DAAM1: variants seen among roughly 807,000 people sequenced by gnomAD.
DAAM1 encodes dishevelled associated activator of morphogenesis 1.
In DAAM1, 52 loss-of-function variants were observed where a neutral mutation model predicts 130.0. That is an observed-to-expected ratio of 0.40 (90% confidence interval 0.32 to 0.50). The LOEUF is 0.50. Among genes scored for constraint, DAAM1 ranks in the 20% least tolerant of loss-of-function variants. The pLI is 0.61. For missense variants in DAAM1, 1,134 were observed against 1,303.8 expected, an observed-to-expected ratio of 0.87 and a Z score of 2.01; for synonymous variants, 452 against 444.5, an observed-to-expected ratio of 1.02 and a Z score of -0.21.
chr14:59,280,227 G>T (rs1193031043), intron 2 of DAAM1, among the ~76,000 whole-genome samples: 1 of 152,132 alleles, frequency 6.6e-6, no homozygotes, highest in African/African-American at 2.4e-5. Context: ...CTTAACATGT[G>T]TACATTTCAC....
chr14:59,350,488 G>C (rs1437340946), intron 17 of DAAM1, among the ~76,000 whole-genome samples: 1 of 150,546 alleles, frequency 6.6e-6, no homozygotes, highest in Non-Finnish European at 1.5e-5. Context: ...CACGTCTTAT[G>C]CACATGCCCC....
At chr14:59,358,571 G>A (rs1236027180) in intron 20 of DAAM1, among the ~76,000 whole-genome samples, 7 of 152,054 alleles carry the variant, frequency 4.6e-5, no homozygotes, top group Admixed American at 2.6e-4. Context: ...GGCCAGACAC[G>A]GTGGCTCACA....
chr14:59,367,215 G>A (rs1254135331), intron 23 of DAAM1, among the ~76,000 whole-genome samples: 1 of 152,024 alleles, frequency 6.6e-6, no homozygotes, highest in Non-Finnish European at 1.5e-5. Context: ...TTGAACCCGA[G>A]AGACAGAGGT....
At chr14:59,201,143 A>G (rs1355658569) in intron 1 of DAAM1, among the ~76,000 whole-genome samples, 1 of 139,794 alleles carries the variant, frequency 7.2e-6, no homozygotes, top group Admixed American at 7.5e-5. Flanking sequence ...CCTGGGCGAC[A>G]GAGTGAGACT....
At chr14:59,225,641 G>C (rs1363716195) in intron 1 of DAAM1, among the ~76,000 whole-genome samples, 1 of 152,158 alleles carries the variant, frequency 6.6e-6, no homozygotes, top group African/African-American at 2.4e-5. Context: ...TTCTGGATTT[G>C]TCAGGGTGGT....
At chr14:59,200,446 G>C (rs1353238352) in intron 1 of DAAM1, among the ~76,000 whole-genome samples, 8 of 152,090 alleles carry the variant, frequency 5.3e-5, no homozygotes, top group Non-Finnish European at 1.5e-5. Flanking sequence ...GCACAGTGAT[G>C]TTCCATTTTT....
intron 1 of DAAM1, among the ~76,000 whole-genome samples, chr14:59,207,594 A>G (rs537207127): frequency 2.4e-4 from 37 of 152,362 alleles, no homozygotes; most frequent in Non-Finnish European, 4.9e-4. Flanking sequence ...AAGCGCCTCA[A>G]AAATTCTACT....
At chr14:59,191,427 T>C (rs1887726878) in intron 1 of DAAM1, among the ~76,000 whole-genome samples, 1 of 152,082 alleles carries the variant, frequency 6.6e-6, no homozygotes, top group African/African-American at 2.4e-5. Flanking sequence ...TTGTAGGTCT[T>C]TAATAAATAT....
intron 1 of DAAM1, among the ~76,000 whole-genome samples, chr14:59,225,136 T>A (rs1888902848): frequency 6.6e-6 from 1 of 150,614 alleles, no homozygotes; most frequent in South Asian, 2.1e-4. Flanking sequence ...CAAGTGATTC[T>A]TCTGCCTCAG....
chr14:59,230,401 TC>T, intron 1 of DAAM1, among the ~76,000 whole-genome samples: 1 of 152,114 alleles, frequency 6.6e-6, no homozygotes, highest in East Asian at 1.9e-4. Context: ...GGGCTGGGTT[TC>T]TTTCTATCCA....
chr14:59,355,966 T>C (rs1459639276), intron 20 of DAAM1, among the ~76,000 whole-genome samples: 4 of 152,244 alleles, frequency 2.6e-5, no homozygotes, highest in Non-Finnish European at 5.9e-5. Flanking sequence ...CAGGTCTCAT[T>C]AAAATGCTTC....
chr14:59,236,367 C>T (rs1411654588), intron 1 of DAAM1, among the ~76,000 whole-genome samples: 1 of 151,998 alleles, frequency 6.6e-6, no homozygotes, highest in Non-Finnish European at 1.5e-5. Flanking sequence ...CTTGCTAAGC[C>T]CTGTGACCTG....
intron 23 of DAAM1, 74 bp downstream of exon 23, chr14:59,363,856 C>G (rs1886810561): frequency 6.3e-7 from 1 of 1,588,438 alleles, no homozygotes; most frequent in Non-Finnish European, 8.5e-7. Context: ...AGTTATTATT[C>G]TGTACGGGAA....
chr14:59,203,865 C>T (rs1888185393), intron 1 of DAAM1, among the ~76,000 whole-genome samples: 1 of 152,190 alleles, frequency 6.6e-6, no homozygotes. Flanking sequence ...AAAAAGCATT[C>T]AAGTATGAAC....
chr14:59,340,842 TTTC>T (rs1229561872), intron 16 of DAAM1, among the ~76,000 whole-genome samples: 3 of 152,196 alleles, frequency 2.0e-5, no homozygotes, highest in African/African-American at 7.2e-5. Context: ...CTGTATCTAG[TTTC>T]TTCTTTTCTG....
chr14:59,331,907 A>G lies in DAAM1; in HGVS notation c.1955A>G (p.Tyr652Cys), dbSNP rs1885456263. ...GACCTGGAAAGAACCTTCTCTGCCT[A>G]TCAAAGACAGCAGGTAACAGCATAT... Reference protein sequence around the residue: ...LEDLERTFSAYQRQQKEADAI... With the variant: ...LEDLERTFSACQRQQKEADAI... The change falls in exon 15 of 25, where the codon TAT (tyrosine) becomes TGT (cysteine). Residue 652 changes from tyrosine to cysteine, a missense_variant. This residue lies in a region of DAAM1 where 644 missense variants were observed against 695.9 expected (regional missense o/e 0.93). Coordinates refer to ENST00000360909, the MANE Select transcript of DAAM1 (RefSeq NM_001270520.2). 1 of 1,613,870 alleles carries G rather than the reference A, an allele frequency of 6.2e-7. No individual in the cohort carries two copies.
At chr14:59,195,386 G>A (rs551412587) in intron 1 of DAAM1, among the ~76,000 whole-genome samples, 29 of 152,096 alleles carry the variant, frequency 1.9e-4, no homozygotes, top group Admixed American at 9.8e-4. Context: ...CTCGTGATCC[G>A]CCTGCCTCGG....
rs550377862 is a variant in DAAM1 at position 59,348,496 on chromosome 14, G to A, written c.2160+873G>A. Among the ~76,000 whole-genome samples the A allele has an allele frequency of 1.4e-4, 21 of 152,166 alleles. No individual in the cohort carries two copies. The South Asian group carries it at 4.1e-3, about 30-fold the overall frequency. On this transcript the variant is annotated intron_variant, in intron 17 of 24. Transcript: ENST00000360909. The stretch of plus-strand genomic sequence containing the variant: ...GATAGTCTCTGAATGCTATAAGATC[G>A]TTCCATCCTTCTGTCTCATTGTTTT...
chr14:59,319,613 T>C (rs758843321), intron 4 of DAAM1, among the ~76,000 whole-genome samples: 2 of 152,198 alleles, frequency 1.3e-5, no homozygotes, highest in South Asian at 2.1e-4. Flanking sequence ...AGGAGCTCCA[T>C]GGATGGAGGA....
Sources: gnomAD v4.1 joint callset for allele counts (sites outside exome capture counted in the v4.1 genomes callset) on GRCh38, gnomAD v4.1.1 for gene constraint, gnomAD v4.1.1 regional missense constraint, MANE v1.5 for transcripts, NCBI Gene and HGNC (gene_info 2026-07-23, HGNC 2026-07-21) for gene names.